Variants in NRG3 observed in about 807,000 individuals in gnomAD.
NRG3 encodes pro-neuregulin-3, membrane-bound isoform.
A neutral mutation model predicts 66.9 loss-of-function variants in NRG3; 31 were observed. That is an observed-to-expected ratio of 0.46 (90% CI 0.35 to 0.63). The LOEUF (loss-of-function observed/expected upper bound fraction) is 0.63. Among genes scored for constraint, NRG3 ranks in the 20% least tolerant of loss-of-function variants. The probability of loss-of-function intolerance (pLI) is 0.00; values close to 1 mark genes in which losing one functional copy is unlikely to be tolerated. For synonymous variants in NRG3, 393 were observed against 359.4 expected, an observed-to-expected ratio of 1.09 and a Z score of -1.06; for missense variants, 910 against 878.9, an observed-to-expected ratio of 1.04 and a Z score of -0.45.
At chr10:81,905,208 A>C (rs577103701) in intron 1 of NRG3, among the ~76,000 whole-genome samples, 1 of 152,178 alleles carries the variant, frequency 6.6e-6, no homozygotes, top group East Asian at 1.9e-4. Context: ...ACACTTACAA[A>C]CCACTCTTCG....
intron 3 of NRG3, among the ~76,000 whole-genome samples, chr10:82,777,547 T>G (rs1165846883): frequency 1.3e-5 from 2 of 152,124 alleles, no homozygotes; most frequent in African/African-American, 2.4e-5. Flanking sequence ...TGGTGACTCT[T>G]AGGCACTCCT....
chr10:82,799,867 A>G (rs1405283502), intron 3 of NRG3: 4 of 152,184 alleles, frequency 2.6e-5, no homozygotes, highest in Non-Finnish European at 5.9e-5. Context: ...TATTCCTCGT[A>G]TTCCCTAACA....
intron 1 of NRG3, among the ~76,000 whole-genome samples, chr10:82,189,304 T>C (rs2073996733): frequency 6.6e-6 from 1 of 152,168 alleles, no homozygotes; most frequent in Non-Finnish European, 1.5e-5. Context: ...ACATAAGATT[T>C]TTCAAAATTT....
At chr10:82,472,293 C>T (rs1049933506) in intron 2 of NRG3, among the ~76,000 whole-genome samples, 4 of 152,150 alleles carry the variant, frequency 2.6e-5, no homozygotes, top group East Asian at 1.9e-4. Context: ...GCAGACATAG[C>T]GAGATGGAGA....
chr10:82,910,908 T>A (rs1012276335), intron 4 of NRG3, among the ~76,000 whole-genome samples: 4 of 152,224 alleles, frequency 2.6e-5, no homozygotes, highest in African/African-American at 9.6e-5. Flanking sequence ...GAAGACACAG[T>A]TGTGCGTGCA....
At chr10:82,196,085 A>T (rs553931124) in intron 1 of NRG3, among the ~76,000 whole-genome samples, 2 of 152,312 alleles carry the variant, frequency 1.3e-5, no homozygotes, top group South Asian at 4.1e-4. Context: ...ACTAATATCC[A>T]GTGTGATGTA....
intron 1 of NRG3, among the ~76,000 whole-genome samples, chr10:82,121,178 T>A (rs2068065768): frequency 6.6e-6 from 1 of 152,040 alleles, no homozygotes; most frequent in African/African-American, 2.4e-5. Context: ...ACCACCACAG[T>A]TTAGTCTGGC....
At position 82,025,658 on chromosome 10, in the gene NRG3, GT is replaced by G. The variant is rs373925981; in HGVS notation, c.823+149499del. Among the ~76,000 whole-genome samples the G allele has an allele frequency of 6.3e-4, 96 of 152,144 alleles. 1 individual carries two copies. Among genetic ancestry groups the G allele is most frequent in the African/African-American group, 2.2e-3 (90 of 41,554 alleles). ...ACCAATACTAAAATTAAGATTTTAA[GT>G]TTTGTTTTGGTTGACGAGTGAGAAA... On this transcript the variant is annotated intron_variant, in intron 1 of 8. Coordinates refer to ENST00000372141, the MANE Select transcript of NRG3 (RefSeq NM_001010848.4).
intron 1 of NRG3, among the ~76,000 whole-genome samples, chr10:82,215,963 CTT>C (rs71894841): frequency 1.1e-5 from 1 of 89,708 alleles, no homozygotes; most frequent in Non-Finnish European, 2.1e-5. Flanking sequence ...TTATGTTTTC[CTT>C]TTTTTTTTTT....
chr10:82,761,315 T>C (rs1011786945), intron 3 of NRG3, among the ~76,000 whole-genome samples: 5 of 152,108 alleles, frequency 3.3e-5, no homozygotes, highest in African/African-American at 4.8e-5. Context: ...AATAAAAAAG[T>C]AATATCTTCA....
chr10:82,721,332 G>A (rs1345823725), intron 2 of NRG3, among the ~76,000 whole-genome samples: 1 of 151,194 alleles, frequency 6.6e-6, no homozygotes, highest in Non-Finnish European at 1.5e-5. Context: ...TAGAGGCGGT[G>A]TTTCACTATG....
chr10:82,318,926 A>G (rs2081422979), intron 1 of NRG3, among the ~76,000 whole-genome samples: 1 of 152,214 alleles, frequency 6.6e-6, no homozygotes. Flanking sequence ...CTCTTGGGAA[A>G]AGTAACTCCT....
chr10:82,096,243 G>T (rs1160491837), intron 1 of NRG3, among the ~76,000 whole-genome samples: 1 of 152,152 alleles, frequency 6.6e-6, no homozygotes, highest in Non-Finnish European at 1.5e-5. Context: ...TTGGGAGGCT[G>T]AGGTGGGCAG....
At chr10:82,220,242 C>T (rs1470355208) in intron 1 of NRG3, among the ~76,000 whole-genome samples, 1 of 151,670 alleles carries the variant, frequency 6.6e-6, no homozygotes, top group Non-Finnish European at 1.5e-5. Context: ...AATACTCTTT[C>T]CTTGCTCAGA....
intron 2 of NRG3, among the ~76,000 whole-genome samples, chr10:82,413,641 C>T (rs2088298608): frequency 6.6e-6 from 1 of 152,094 alleles, no homozygotes; most frequent in African/African-American, 2.4e-5. Flanking sequence ...TAGATGGCAT[C>T]CCTTCCATTA....
At chr10:81,919,597 A>G (rs1252925842) in intron 1 of NRG3, among the ~76,000 whole-genome samples, 3 of 152,200 alleles carry the variant, frequency 2.0e-5, no homozygotes, top group Non-Finnish European at 4.4e-5. Flanking sequence ...GTTTGTATTA[A>G]AGATGGGGTG....
chr10:82,811,890 T>C (rs920567964), intron 3 of NRG3, among the ~76,000 whole-genome samples: 1 of 152,212 alleles, frequency 6.6e-6, no homozygotes, highest in Admixed American at 6.5e-5. Context: ...GAAACCATGA[T>C]AGTTGACTGA....
chr10:82,104,781 G>A (rs186080678), intron 1 of NRG3, among the ~76,000 whole-genome samples: 159 of 152,264 alleles, frequency 1.0e-3, no homozygotes, highest in African/African-American at 3.7e-3. Context: ...ATTTAAATTT[G>A]CATGTGCATA....
At chr10:82,202,338 G>T (rs1186342482) in intron 1 of NRG3, among the ~76,000 whole-genome samples, 1 of 152,082 alleles carries the variant, frequency 6.6e-6, no homozygotes, top group African/African-American at 2.4e-5. Flanking sequence ...AGTTATTCCA[G>T]ATCATCATCT....
Sources: allele counts gnomAD v4.1 joint callset (sites outside exome capture counted in the v4.1 genomes callset), GRCh38; gene constraint gnomAD v4.1.1; transcripts MANE v1.5; gene names NCBI Gene and HGNC (gene_info 2026-07-23, HGNC 2026-07-21).